GSE1: variants seen among roughly 807,000 people sequenced by gnomAD.
The protein encoded by GSE1 is Gse1 coiled-coil protein.
A neutral mutation model predicts 112.6 loss-of-function variants in GSE1; 32 were observed. The observed-to-expected ratio is 0.28, with a 90% confidence interval of 0.21 to 0.38. The LOEUF is 0.38. Ranked by LOEUF, GSE1 falls within the 10% of genes least tolerant of loss-of-function variation. The probability of loss-of-function intolerance (pLI) is 1.00; values close to 1 mark genes in which losing one functional copy is unlikely to be tolerated. For missense variants in GSE1, 2,348 were observed against 1,699.2 expected (o/e 1.38, Z -6.71); for synonymous variants, 1,115 against 735.6 (o/e 1.52, Z -8.35).
At chr16:85,344,645 G>A (rs1351195679) in intron 1 of GSE1, among the ~76,000 whole-genome samples, 1 of 152,238 alleles carries the variant, frequency 6.6e-6, no homozygotes, top group Non-Finnish European at 1.5e-5. Context: ...GCCCCAGGAG[G>A]CTGGCACTGT....
At chr16:85,536,131 G>T (rs1275882848) in intron 2 of GSE1, among the ~76,000 whole-genome samples, 2 of 152,352 alleles carry the variant, frequency 1.3e-5, no homozygotes, top group East Asian at 3.9e-4. Flanking sequence ...CCCCAGGAGG[G>T]AGGCCCAGCC....
At chr16:85,666,601 T>C (rs549793238) in intron 13 of GSE1, 2 of 533,936 alleles carry the variant, frequency 3.7e-6, no homozygotes, top group Admixed American at 3.4e-5. Context: ...CAGGGACGCA[T>C]CGATCGGTAA....
At chr16:85,609,664 T>C (rs1333283512), upstream of GSE1, among the ~76,000 whole-genome samples, 8 of 152,020 alleles carry the variant, frequency 5.3e-5, no homozygotes, top group African/African-American at 1.7e-4. Context: ...CTTTTTTTTT[T>C]CCTCCTTTGA....
At chr16:85,493,027 G>A (rs1369178628) in intron 2 of GSE1, among the ~76,000 whole-genome samples, 1 of 152,226 alleles carries the variant, frequency 6.6e-6, no homozygotes, top group Non-Finnish European at 1.5e-5. Context: ...GCAGGGTATG[G>A]AGCCACAGGG....
intron 2 of GSE1, among the ~76,000 whole-genome samples, chr16:85,643,413 G>C (rs2050604603): frequency 6.6e-6 from 1 of 152,180 alleles, no homozygotes. Flanking sequence ...CCGCCAGCGG[G>C]GATTAGGCCG....
chr16:85,420,874 C>T (rs1450536825), intron 2 of GSE1, among the ~76,000 whole-genome samples: 1 of 152,110 alleles, frequency 6.6e-6, no homozygotes, highest in East Asian at 1.9e-4. Context: ...CACACGGGGG[C>T]GCCCCTACCG....
intron 1 of GSE1, among the ~76,000 whole-genome samples, chr16:85,287,074 C>T (rs1031420191): frequency 1.3e-5 from 2 of 152,220 alleles, no homozygotes; most frequent in Non-Finnish European, 2.9e-5. Context: ...TGCCTGTCTC[C>T]GGGGACGGGG....
intron 2 of GSE1, among the ~76,000 whole-genome samples, chr16:85,533,013 C>T (rs771372036): frequency 4.6e-5 from 7 of 152,202 alleles, no homozygotes; most frequent in Non-Finnish European, 8.8e-5. Context: ...CCGGAGGTGT[C>T]GGCCGCTGCC....
At chr16:85,325,818 A>T (rs1390563776) in intron 1 of GSE1, among the ~76,000 whole-genome samples, 3 of 148,900 alleles carry the variant, frequency 2.0e-5, no homozygotes, top group African/African-American at 7.5e-5. Context: ...ATGCAGTGGC[A>T]CGATCTCAGC....
chr16:85,195,551 A>G (rs1335305827), intron 1 of GSE1, among the ~76,000 whole-genome samples: 1 of 152,194 alleles, frequency 6.6e-6, no homozygotes, highest in Non-Finnish European at 1.5e-5. Flanking sequence ...GCTCTATGCC[A>G]CATTTGTCAA....
At chr16:85,590,030 G>A (rs777316385) in intron 1 of GSE1, among the ~76,000 whole-genome samples, 9 of 151,898 alleles carry the variant, frequency 5.9e-5, no homozygotes, top group Non-Finnish European at 1.0e-4. Flanking sequence ...AACATGAGAC[G>A]TGAGTGTGAA....
At chr16:85,399,940 A>T (rs2048057404) in intron 2 of GSE1, among the ~76,000 whole-genome samples, 1 of 152,184 alleles carries the variant, frequency 6.6e-6, no homozygotes. Flanking sequence ...ACCCAGCTAC[A>T]GGGGGCTGTG....
At chr16:85,478,524 C>CAAAA (rs112620422) in intron 2 of GSE1, among the ~76,000 whole-genome samples, 1 of 113,448 alleles carries the variant, frequency 8.8e-6, no homozygotes, top group Non-Finnish European at 2.0e-5. Flanking sequence ...GAAACTGTCT[C>CAAAA]AAAAAAAAAA....
At chr16:85,440,400 G>A (rs2049348195) in intron 2 of GSE1, among the ~76,000 whole-genome samples, 1 of 152,252 alleles carries the variant, frequency 6.6e-6, no homozygotes, top group South Asian at 2.1e-4. Flanking sequence ...GCTGGACTAA[G>A]CACTTGCCAT....
At chr16:85,463,796 AGAGG>A (rs927214596) in intron 2 of GSE1, among the ~76,000 whole-genome samples, 13 of 152,016 alleles carry the variant, frequency 8.6e-5, no homozygotes, top group African/African-American at 3.1e-4. Context: ...CCCATCGGAG[AGAGG>A]GTGAGCGGGA....
intron 1 of GSE1, among the ~76,000 whole-genome samples, chr16:85,356,807 ATGT>A (rs2046959849): frequency 1.3e-5 from 2 of 152,174 alleles, no homozygotes; most frequent in African/African-American, 2.4e-5. Flanking sequence ...CCATTTTGTC[ATGT>A]TGTAATCAAG....
At chr16:85,612,699 TG>T (rs539560624), upstream of GSE1, among the ~76,000 whole-genome samples, 362 of 79,254 alleles carry the variant, frequency 4.6e-3, 2 homozygotes, top group African/African-American at 0.013. Context: ...AGGTCAGGCA[TG>T]GGGGGGGTGG....
intron 2 of GSE1, among the ~76,000 whole-genome samples, chr16:85,527,087 G>C (rs971330928): frequency 2.0e-5 from 3 of 152,188 alleles, no homozygotes; most frequent in Non-Finnish European, 2.9e-5. Flanking sequence ...GGATGATCCC[G>C]ATGAGGCCGT....
chr16:85,650,478 A>G (rs1228938143), intron 3 of GSE1, among the ~76,000 whole-genome samples: 1 of 152,176 alleles, frequency 6.6e-6, no homozygotes, highest in Non-Finnish European at 1.5e-5. Flanking sequence ...GACCCCGACC[A>G]GAGCTCCTGG....
Sources: gnomAD v4.1 joint callset for allele counts (sites outside exome capture counted in the v4.1 genomes callset) on GRCh38, gnomAD v4.1.1 for gene constraint, MANE v1.5 for transcripts, NCBI Gene and HGNC (gene_info 2026-07-23, HGNC 2026-07-21) for gene names.